The following NBPF14 variants were observed in gnomAD, a reference collection of about 807,000 sequenced individuals.
NBPF14 encodes NBPF family member NBPF14.
A neutral mutation model predicts 91.2 loss-of-function variants in NBPF14; 104 were observed. The ratio of observed to expected loss-of-function variants is 1.14; its 90% CI spans 0.97 to 1.34. The LOEUF (loss-of-function observed/expected upper bound fraction) is 1.34. Among genes scored for constraint, NBPF14 ranks in the 40% most tolerant of loss-of-function variants. The pLI, the probability that NBPF14 is intolerant of heterozygous loss-of-function variation, is 0.00. For synonymous variants in NBPF14, 294 were observed against 303.8 expected (o/e 0.97, Z 0.34); for missense variants, 908 against 783.0 (o/e 1.16, Z -1.91).
chr1:148,575,934 G>C (rs1659615790), intron 16 of NBPF14, 123 bp from the exon 17 acceptor site: 1 of 448,478 alleles, frequency 2.2e-6, no homozygotes, highest in South Asian at 2.1e-5. Flanking sequence ...CCATTAATGA[G>C]GTAATGAATT....
chr1:148,560,138 A>T (rs1657500207), intron 36 of NBPF14, among the ~76,000 whole-genome samples, 173 bp from the exon 37 acceptor site: 1 of 151,102 alleles, frequency 6.6e-6, no homozygotes, highest in Non-Finnish European at 1.5e-5. Flanking sequence ...CAGGTAGAAA[A>T]CAATGAAAGA....
intron 14 of NBPF14, among the ~76,000 whole-genome samples, chr1:148,577,707 A>AT (rs1292463233): frequency 6.9e-6 from 1 of 144,804 alleles, no homozygotes; most frequent in Admixed American, 6.9e-5. Flanking sequence ...GTCCTCAATA[A>AT]TTTTGCATAA....
chr1:148,533,365 T>C (rs1309743670), intron 70 of NBPF14, 117 bp from the exon 71 acceptor site: 13 of 547,296 alleles, frequency 2.4e-5, no homozygotes, highest in Non-Finnish European at 3.5e-5. Context: ...GATAGAACCA[T>C]TAATGAGGTA....
chr1:148,594,671 T>C (rs1663027132), intron 2 of NBPF14, among the ~76,000 whole-genome samples: 1 of 69,368 alleles, frequency 1.4e-5, no homozygotes, highest in Non-Finnish European at 2.4e-5. Context: ...ACTCTCTGCT[T>C]TTTATTTTTA....
chr1:148,532,903 CTA>C (rs1653930781), exon 71 of NBPF14: 16 of 1,083,872 alleles, frequency 1.5e-5, no homozygotes, highest in Admixed American at 2.7e-5. Flanking sequence ...CTGACCCATC[CTA>C]TGTCTGGGCT....
chr1:148,572,696 T>A (rs1659287598), intron 20 of NBPF14, 81 bp from the exon 21 acceptor site: 1 of 679,124 alleles, frequency 1.5e-6, no homozygotes, highest in Non-Finnish European at 2.6e-6. Flanking sequence ...ATGGCTAACG[T>A]AAGGAAGAGT....
intron 2 of NBPF14, among the ~76,000 whole-genome samples, chr1:148,595,310 T>C (rs1189895714): frequency 6.7e-6 from 1 of 148,326 alleles, no homozygotes; most frequent in Non-Finnish European, 1.5e-5. Flanking sequence ...TAGAAATCAA[T>C]AACTGTGAGT....
intron 10 of NBPF14, 73 bp downstream of exon 10, chr1:148,585,068 C>A: frequency 1.2e-6 from 1 of 854,296 alleles, no homozygotes. Flanking sequence ...TCATAGATGC[C>A]AGAGAGGGTG....
rs1444751337 is a variant in NBPF14, at chr1:148,560,006, T to A, written c.4557-41A>T. On this transcript the variant is annotated intron_variant, in intron 36 of 70. Coordinates refer to ENST00000619423, the Ensembl canonical transcript of NBPF14. Reference sequence around the variant, plus strand: ...AAAGTAAAGAATAAGCCAGGGGGAATCAGAAACCACACAGCCCCAGCTAGA... The same window carrying A: ...AAAGTAAAGAATAAGCCAGGGGGAAACAGAAACCACACAGCCCCAGCTAGA... 19 of 822,290 alleles carry A rather than the reference T, an allele frequency of 2.3e-5. No homozygotes were observed. The Admixed American group carries it at 3.5e-4, about 15-fold the overall frequency. The allele number at this position is 822,290 out of a possible 1,614,324, so 50.9% of individuals were successfully genotyped here. A position where few individuals can be genotyped will look rare whatever the true frequency, so the allele number is the denominator to read the frequency against.
chr1:148,561,961 A>C (rs1657895183), intron 34 of NBPF14, among the ~76,000 whole-genome samples: 1 of 78,982 alleles, frequency 1.3e-5, no homozygotes, highest in African/African-American at 9.7e-5. Context: ...TGTGCTCAAT[A>C]ATTTTCCATA....
At chr1:148,579,983 AG>A (rs1409277168) in intron 12 of NBPF14, among the ~76,000 whole-genome samples, 6 of 152,006 alleles carry the variant, frequency 3.9e-5, no homozygotes, top group Non-Finnish European at 7.4e-5. Flanking sequence ...AAAACCACAA[AG>A]GTGGGGAGAA....
intron 8 of NBPF14, among the ~76,000 whole-genome samples, 186 bp from the exon 9 acceptor site, chr1:148,586,655 C>A (rs1328191040): frequency 2.0e-5 from 3 of 147,600 alleles, no homozygotes; most frequent in Non-Finnish European, 3.0e-5. Context: ...TCCTCTGTAT[C>A]AGAGAGGGCT....
chr1:148,559,352 G>A (rs1379591298), intron 37 of NBPF14, among the ~76,000 whole-genome samples: 616 of 128,966 alleles, frequency 4.8e-3, no homozygotes, highest in Non-Finnish European at 6.8e-3. Flanking sequence ...TTTTCCAATC[G>A]ATTTAAAGCA....
In NBPF14 at chr1:148,577,110, C is replaced by T. The variant is rs1659979982; in HGVS notation, c.2026+73G>A. 2.3e-5 allele frequency: 14 copies of T among 615,426 alleles called. No individual in the cohort carries two copies. In the East Asian group the frequency reaches 2.8e-4, roughly 12 times the overall value. 38.1% of individuals were successfully genotyped at this position (615,426 alleles called of 1,614,324 possible). ...TGACATCTCTCAGCTCAGTAAGGGC[C>T]ACTTGCAGTAGGAATATGACCCTAA... On this transcript the variant is annotated intron_variant, in intron 15 of 70. Transcript: ENST00000619423.
chr1:148,595,124 G>C (rs1278097225), intron 2 of NBPF14, among the ~76,000 whole-genome samples: 2 of 144,196 alleles, frequency 1.4e-5, no homozygotes, highest in African/African-American at 2.5e-5. Flanking sequence ...CACTAGAACA[G>C]AGCTTTGCCT....
intron 69 of NBPF14, 121 bp downstream of exon 69, chr1:148,534,563 C>T: frequency 1.3e-6 from 1 of 755,446 alleles, no homozygotes; most frequent in Non-Finnish European, 2.4e-6. Flanking sequence ...CTATATGCGC[C>T]CATAGGTCCT....
Position 148,559,395 on chromosome 1 carries a change from G to A in NBPF14, c.4730-323C>T, listed in dbSNP as rs1340013039. Among the ~76,000 whole-genome samples the A allele has an allele frequency of 3.0e-5, 4 of 133,958 alleles. 1 individual carries two copies. Among genetic ancestry groups the A allele is most frequent in the Admixed American group, 7.3e-5 (1 of 13,784 alleles). 87.9% of individuals were successfully genotyped at this position (133,958 alleles called of 152,430 possible). A position where few individuals can be genotyped will look rare whatever the true frequency, so the allele number is the denominator to read the frequency against. ...CCAAATGGTTGCTAGGAGAAAAACTGCACTATTCACCCTGTCTCATCAAAT... is the reference window on the plus strand; with the variant it reads ...CCAAATGGTTGCTAGGAGAAAAACTACACTATTCACCCTGTCTCATCAAAT... On this transcript the variant is annotated intron_variant, in intron 37 of 70. Transcript: ENST00000619423.
Position 148,557,532 on chromosome 1 carries a change from CT to C in NBPF14, c.4964del (p.Lys1655ArgfsTer23). ...CTTGGTCTTCTTCCTCTTCTTCGTC[CT>C]TTTTAAATCCTGCAATACATTCAGA... On this transcript the variant is annotated frameshift_variant, in exon 40 of 71. Coordinates refer to ENST00000619423, the Ensembl canonical transcript of NBPF14. LOFTEE classifies it high-confidence loss of function. 22 of 1,078,308 alleles carry C rather than the reference CT, an allele frequency of 2.0e-5. No homozygotes were observed. Among genetic ancestry groups the C allele is most frequent in the Non-Finnish European group, 2.5e-5 (19 of 750,876 alleles). 66.8% of individuals were successfully genotyped at this position (1,078,308 alleles called of 1,614,324 possible).
rs1177514557 is a variant in NBPF14, at chr1:148,583,867, G to GC, written c.1585+603dup. Among the ~76,000 whole-genome samples, 4 of 78,752 alleles carry GC rather than the reference G, an allele frequency of 5.1e-5. 1 individual carries two copies. Among genetic ancestry groups the GC allele is most frequent in the Non-Finnish European group, 8.4e-5 (4 of 47,694 alleles). 51.7% of individuals were successfully genotyped at this position (78,752 alleles called of 152,430 possible). A position where few individuals can be genotyped will look rare whatever the true frequency, so the allele number is the denominator to read the frequency against. ...CTGGGTGACAGAGCAAGACTCCATTGCAAAAAAAAAAAAATCCACGATGCT... is the reference window on the plus strand; with the variant it reads ...CTGGGTGACAGAGCAAGACTCCATTGCCAAAAAAAAAAAAATCCACGATGCT... On this transcript the variant is annotated intron_variant, in intron 11 of 70. Transcript: ENST00000619423.
Sources: gnomAD v4.1 joint callset for allele counts (sites outside exome capture counted in the v4.1 genomes callset) on GRCh38, gnomAD v4.1.1 for gene constraint, MANE v1.5 for transcripts, NCBI Gene and HGNC (gene_info 2026-07-23, HGNC 2026-07-21) for gene names.